The following SERPINI1 variants were observed in gnomAD, a reference collection of about 807,000 sequenced individuals.
The protein encoded by SERPINI1 is neuroserpin.
In SERPINI1, 19 loss-of-function variants were observed where a neutral mutation model predicts 41.1. The observed-to-expected ratio is 0.46, with a 90% CI of 0.32 to 0.68. The LOEUF (loss-of-function observed/expected upper bound fraction) is 0.68. SERPINI1 is among the 30% of genes least tolerant of loss of function. SERPINI1 has a pLI of 0.03. For synonymous variants in SERPINI1, 138 were observed against 156.6 expected, an observed-to-expected ratio of 0.88 and a Z score of 0.89; for missense variants, 460 against 479.2, an observed-to-expected ratio of 0.96 and a Z score of 0.37.
At chr3:167,757,326 C>T (rs180779014) in intron 1 of SERPINI1, among the ~76,000 whole-genome samples, 25 of 152,068 alleles carry the variant, frequency 1.6e-4, no homozygotes, top group African/African-American at 5.3e-4. Context: ...ACTGAAAATA[C>T]GAATTTGCAT....
At chr3:167,790,676 C>G in intron 3 of SERPINI1, 74 bp downstream of exon 3, 1 of 1,131,012 alleles carries the variant, frequency 8.8e-7, no homozygotes, top group South Asian at 1.3e-5. Context: ...GTATTTCCTC[C>G]TTGTTCCTTT....
At chr3:167,751,488 C>T (rs1043207542) in intron 1 of SERPINI1, among the ~76,000 whole-genome samples, 5 of 152,166 alleles carry the variant, frequency 3.3e-5, no homozygotes, top group African/African-American at 7.2e-5. Context: ...AGCAGTCAAC[C>T]GTATCTGTTA....
chr3:167,795,546 C>T (rs889508273), intron 5 of SERPINI1, among the ~76,000 whole-genome samples: 1 of 152,172 alleles, frequency 6.6e-6, no homozygotes, highest in Non-Finnish European at 1.5e-5. Flanking sequence ...CCTCATATTT[C>T]TTTCCCAAGA....
chr3:167,756,483 G>GT (rs1388667754), intron 1 of SERPINI1, among the ~76,000 whole-genome samples: 1 of 151,840 alleles, frequency 6.6e-6, no homozygotes, highest in Admixed American at 6.6e-5. Context: ...TTTTGTTTTT[G>GT]TTTTTTAGTA....
intron 1 of SERPINI1, among the ~76,000 whole-genome samples, chr3:167,784,528 T>C (rs2108553569): frequency 6.6e-6 from 1 of 152,314 alleles, no homozygotes; most frequent in East Asian, 1.9e-4. Context: ...GAAAGAGGTT[T>C]AATTGACTCA....
In SERPINI1 at chr3:167,794,524, G is replaced by A; in HGVS notation, c.677-96G>A. ...ATTTTGTTGCACAAGTACCTGAGCA[G>A]TGTACACTATACCAAATATGTAGTC... On this transcript the variant is annotated intron_variant, in intron 4 of 8. Transcript: ENST00000446050. The A allele has an allele frequency of 3.0e-6, 3 of 996,098 alleles. No homozygotes were observed. In the Middle Eastern group the frequency reaches 9.4e-4, roughly 311 times the overall value. The allele number at this position is 996,098 out of a possible 1,614,324, so 61.7% of individuals were successfully genotyped here. A position where few individuals can be genotyped will look rare whatever the true frequency, so the allele number is the denominator to read the frequency against.
intron 1 of SERPINI1, among the ~76,000 whole-genome samples, chr3:167,757,426 A>G (rs1260085103): frequency 6.6e-6 from 1 of 152,168 alleles, no homozygotes. Flanking sequence ...TGTTATACAA[A>G]TCATAATGAA....
chr3:167,785,073 T>C (rs1032692586), intron 1 of SERPINI1, among the ~76,000 whole-genome samples: 2 of 152,056 alleles, frequency 1.3e-5, no homozygotes, highest in Non-Finnish European at 1.5e-5. Flanking sequence ...AAACCCCGTC[T>C]CTACTAAAAA....
rs766402832 is a variant in SERPINI1 at position 167,792,805 on chromosome 3, A to G, written c.676+21A>G. ...TTATGGTAAGACATTTTTTGCTTTT[A>G]TTTCTCTCTTCTTGCAGAATATCAA... On this transcript the variant is annotated intron_variant, in intron 4 of 8. Coordinates refer to ENST00000446050, the MANE Select transcript of SERPINI1 (RefSeq NM_001122752.2). 5 of 1,577,170 alleles carry G rather than the reference A, an allele frequency of 3.2e-6. No homozygotes were observed. The East Asian group carries it at 9.0e-5, about 28-fold the overall frequency.
chr3:167,804,343 A>G (rs1370009343), intron 5 of SERPINI1, among the ~76,000 whole-genome samples: 3 of 152,140 alleles, frequency 2.0e-5, no homozygotes, highest in African/African-American at 7.2e-5. Flanking sequence ...AAAACCAGAC[A>G]TTAGAAATGA....
At position 167,790,250 on chromosome 3, in the gene SERPINI1, G is replaced by C. The variant is rs62279575; in HGVS notation, c.251-122G>C. The C allele has an allele frequency of 0.052, 37,258 of 719,524 alleles. 1,217 individuals are homozygous for C. The highest frequency in any genetic ancestry group is 0.094 in the Admixed American group (4,426 of 46,838). 44.6% of individuals were successfully genotyped at this position (719,524 alleles called of 1,614,324 possible). The stretch of plus-strand genomic sequence containing the variant: ...CCATATCAATGTGGGGGAAAGCCTG[G>C]CACTTTTCCCCCAGGTGCCTGTTTG... On this transcript the variant is annotated intron_variant, in intron 2 of 8. Coordinates refer to ENST00000446050, the MANE Select transcript of SERPINI1 (RefSeq NM_001122752.2).
chr3:167,772,683 G>A (rs566484900), intron 1 of SERPINI1, among the ~76,000 whole-genome samples: 4 of 151,384 alleles, frequency 2.6e-5, no homozygotes, highest in African/African-American at 9.7e-5. Flanking sequence ...GACAGTCTCT[G>A]ACACATACCT....
chr3:167,744,504 G>A (rs1725780769), intron 1 of SERPINI1, among the ~76,000 whole-genome samples: 1 of 149,820 alleles, frequency 6.7e-6, no homozygotes, highest in African/African-American at 2.5e-5. Context: ...ACAGAATATT[G>A]TACTAGGACA....
intron 1 of SERPINI1, among the ~76,000 whole-genome samples, chr3:167,765,709 T>G (rs992913899): frequency 1.3e-5 from 2 of 152,172 alleles, no homozygotes; most frequent in African/African-American, 4.8e-5. Context: ...GGCTGCAAAT[T>G]TTCTGAACTT....
intron 1 of SERPINI1, among the ~76,000 whole-genome samples, chr3:167,759,513 TTAAAA>T (rs1353574742): frequency 6.6e-6 from 1 of 151,494 alleles, no homozygotes; most frequent in Admixed American, 6.6e-5. Flanking sequence ...ATTATCCTAA[TTAAAA>T]TAACTCAAAA....
chr3:167,786,040 G>C (rs574799988), intron 1 of SERPINI1, among the ~76,000 whole-genome samples: 1 of 152,308 alleles, frequency 6.6e-6, no homozygotes, highest in Admixed American at 6.5e-5. Context: ...TGGGCTATAT[G>C]GTATTACGTA....
chr3:167,777,390 A>G (rs1030121614), intron 1 of SERPINI1, among the ~76,000 whole-genome samples: 7 of 152,208 alleles, frequency 4.6e-5, no homozygotes, highest in African/African-American at 1.7e-4. Context: ...CTTATTACCT[A>G]AGATGGGAAG....
At chr3:167,803,018 A>G (rs1448283551) in intron 5 of SERPINI1, among the ~76,000 whole-genome samples, 3 of 151,972 alleles carry the variant, frequency 2.0e-5, no homozygotes, top group African/African-American at 7.3e-5. Flanking sequence ...TCAGTAAACT[A>G]TCGCAAGATG....
intron 5 of SERPINI1, among the ~76,000 whole-genome samples, chr3:167,799,559 G>A (rs1423186506): frequency 6.6e-6 from 1 of 152,166 alleles, no homozygotes; most frequent in Non-Finnish European, 1.5e-5. Flanking sequence ...TATATACCCA[G>A]TAATGGGATT....
Sources: allele counts gnomAD v4.1 joint callset (sites outside exome capture counted in the v4.1 genomes callset), GRCh38; gene constraint gnomAD v4.1.1; transcripts MANE v1.5; gene names NCBI Gene and HGNC (gene_info 2026-07-23, HGNC 2026-07-21).